The following EYS variants were observed in gnomAD, a reference collection of about 807,000 sequenced individuals.
EYS encodes EGF-like photoreceptor maintenance factor.
A neutral mutation model predicts 282.1 loss-of-function variants in EYS; 250 were observed. The ratio of observed to expected loss-of-function variants is 0.89; its 90% CI spans 0.80 to 0.98. The LOEUF (loss-of-function observed/expected upper bound fraction) is 0.98, where lower values mean the gene tolerates loss of function less well. Among genes scored for constraint, EYS ranks in the 50% least tolerant of loss-of-function variants. The pLI is 0.00. For missense variants in EYS, 4,016 were observed against 3,709.0 expected (o/e 1.08, Z -2.15); for synonymous variants, 1,355 against 1,282.9 (o/e 1.06, Z -1.20).
At chr6:64,641,209 A>T (rs1768139127) in intron 22 of EYS, among the ~76,000 whole-genome samples, 1 of 152,202 alleles carries the variant, frequency 6.6e-6, no homozygotes. Flanking sequence ...AAGGAGGAGC[A>T]AGTCCCTTCT....
At chr6:65,637,555 CG>C (rs1249054080) in intron 2 of EYS, among the ~76,000 whole-genome samples, 1 of 152,166 alleles carries the variant, frequency 6.6e-6, no homozygotes, top group East Asian at 1.9e-4. Context: ...CCAGCTGTGG[CG>C]CTGGACTCTA....
intron 33 of EYS, among the ~76,000 whole-genome samples, chr6:64,033,783 C>T (rs1255053839): frequency 6.6e-6 from 1 of 151,670 alleles, no homozygotes; most frequent in East Asian, 1.9e-4. Flanking sequence ...GTTGTGTATA[C>T]ATACATTCAA....
chr6:65,157,336 T>A (rs1764751988), intron 12 of EYS, among the ~76,000 whole-genome samples: 1 of 150,922 alleles, frequency 6.6e-6, no homozygotes, highest in Admixed American at 6.6e-5. Flanking sequence ...CCATTGAATA[T>A]TTTAATCTTA....
chr6:64,813,304 G>C (rs757390698), intron 22 of EYS, 74 bp downstream of exon 22: 9 of 1,078,102 alleles, frequency 8.3e-6, no homozygotes, highest in Non-Finnish European at 1.2e-5. Context: ...ACATTGCAGA[G>C]TGCATTACTA....
intron 36 of EYS, among the ~76,000 whole-genome samples, chr6:63,824,375 T>G (rs1001286756): frequency 6.6e-6 from 1 of 152,140 alleles, no homozygotes; most frequent in Admixed American, 6.5e-5. Context: ...CTTTTCAAAT[T>G]AATGAGAAAA....
intron 1 of EYS, among the ~76,000 whole-genome samples, chr6:65,679,556 T>A (rs1768745751): frequency 6.6e-6 from 1 of 151,472 alleles, no homozygotes; most frequent in African/African-American, 2.4e-5. Flanking sequence ...AAATGAGGAG[T>A]TATTGTCTAA....
At chr6:65,423,223 A>G (rs558908591) in intron 5 of EYS, among the ~76,000 whole-genome samples, 14 of 152,012 alleles carry the variant, frequency 9.2e-5, no homozygotes, top group African/African-American at 3.4e-4. Flanking sequence ...ATATCTGAGA[A>G]CGCTGGCAAC....
intron 8 of EYS, among the ~76,000 whole-genome samples, chr6:65,380,073 C>T (rs1386132272): frequency 6.6e-6 from 1 of 151,950 alleles, no homozygotes; most frequent in Non-Finnish European, 1.5e-5. Context: ...CAATGCTATT[C>T]CCATCAATCT....
chr6:65,115,506 G>GA (rs1197203930), intron 12 of EYS, among the ~76,000 whole-genome samples: 15 of 151,568 alleles, frequency 9.9e-5, no homozygotes, highest in African/African-American at 3.6e-4. Context: ...CACATGCTTT[G>GA]AAAAAAATGC....
chr6:65,332,809 T>C (rs185573974), intron 11 of EYS, among the ~76,000 whole-genome samples: 1 of 151,624 alleles, frequency 6.6e-6, no homozygotes, highest in Non-Finnish European at 1.5e-5. Context: ...AATTACTGAT[T>C]CAATCTTTTT....
chr6:65,072,133 A>G (rs955694926), intron 12 of EYS, among the ~76,000 whole-genome samples: 6 of 151,850 alleles, frequency 4.0e-5, no homozygotes, highest in African/African-American at 1.4e-4. Flanking sequence ...GATAAACAAA[A>G]ATATCTTCAG....
At chr6:64,187,496 T>C (rs979549109) in intron 31 of EYS, among the ~76,000 whole-genome samples, 2 of 151,840 alleles carry the variant, frequency 1.3e-5, no homozygotes, top group African/African-American at 4.8e-5. Context: ...AATGGTTAAA[T>C]ACAAGGAAAA....
At chr6:65,036,723 A>C (rs1440214329) in intron 13 of EYS, among the ~76,000 whole-genome samples, 2 of 151,960 alleles carry the variant, frequency 1.3e-5, no homozygotes, top group East Asian at 3.9e-4. Context: ...GTTCATCACT[A>C]TTCATTAGAT....
At chr6:64,298,208 A>C (rs1386993328) in intron 30 of EYS, among the ~76,000 whole-genome samples, 1 of 152,148 alleles carries the variant, frequency 6.6e-6, no homozygotes, top group Non-Finnish European at 1.5e-5. Context: ...TTGTTTTATA[A>C]TAATTTCTAA....
At chr6:65,013,173 G>A (rs2150134343) in intron 13 of EYS, among the ~76,000 whole-genome samples, 1 of 152,170 alleles carries the variant, frequency 6.6e-6, no homozygotes, top group African/African-American at 2.4e-5. Flanking sequence ...TAGGTGTTTT[G>A]TTTTGCTAGT....
chr6:63,878,273 T>C (rs10447329), intron 35 of EYS, among the ~76,000 whole-genome samples: 73,505 of 152,042 alleles, frequency 0.48, 18,786 homozygotes, highest in African/African-American at 0.63. Flanking sequence ...GTATCACCAG[T>C]GGAGGCTGCA....
intron 9 of EYS, among the ~76,000 whole-genome samples, chr6:65,352,732 A>G (rs897203774): frequency 1.3e-5 from 2 of 151,714 alleles, no homozygotes; most frequent in Non-Finnish European, 2.9e-5. Context: ...GTGTTTCTCT[A>G]CTTGTTATAA....
chr6:65,554,678 AATAG>A (rs1440376689), intron 2 of EYS, among the ~76,000 whole-genome samples: 8 of 152,162 alleles, frequency 5.3e-5, no homozygotes, highest in African/African-American at 1.7e-4. Context: ...TACTCAGTTG[AATAG>A]ATAAAGTCCT....
intron 31 of EYS, among the ~76,000 whole-genome samples, chr6:64,212,157 G>A (rs1468129391): frequency 6.6e-6 from 1 of 151,180 alleles, no homozygotes; most frequent in Non-Finnish European, 1.5e-5. Context: ...TATAGCTTAA[G>A]AGAAGTAAAA....
Sources: gnomAD v4.1 joint callset for allele counts (sites outside exome capture counted in the v4.1 genomes callset) on GRCh38, gnomAD v4.1.1 for gene constraint, MANE v1.5 for transcripts, NCBI Gene and HGNC (gene_info 2026-07-23, HGNC 2026-07-21) for gene names.